Variants in EFCAB5 observed in about 807,000 individuals in gnomAD.
The protein encoded by EFCAB5 is EF-hand calcium binding domain 5.
A neutral mutation model predicts 167.9 loss-of-function variants in EFCAB5; 131 were observed. The ratio of observed to expected loss-of-function variants is 0.78; its 90% CI spans 0.68 to 0.90. The LOEUF is 0.90. EFCAB5 is among the 40% of genes least tolerant of loss of function. The probability of loss-of-function intolerance (pLI) is 0.00; values close to 1 mark genes in which losing one functional copy is unlikely to be tolerated. For synonymous variants in EFCAB5, 574 were observed against 602.8 expected, an observed-to-expected ratio of 0.95 and a Z score of 0.70; for missense variants, 1,663 against 1,745.2, an observed-to-expected ratio of 0.95 and a Z score of 0.84.
intron 3 of EFCAB5, among the ~76,000 whole-genome samples, chr17:29,948,337 C>A (rs1375247614): frequency 6.6e-6 from 1 of 152,078 alleles, no homozygotes; most frequent in African/African-American, 2.4e-5. Context: ...CTTTCAATTT[C>A]TCTTATTGCT....
rs1181743513 is a variant in EFCAB5 at position 30,083,065 on chromosome 17, T to C, written c.3579+22T>C. On this transcript the variant is annotated intron_variant, in intron 18 of 22. Coordinates refer to ENST00000394835, the MANE Select transcript of EFCAB5 (RefSeq NM_198529.4). ...CCAGGTAGGCAAGGCTCAGTAGTGG[T>C]AGATCTCTCCAAGGTAGCCGAGTGT... 4 of 1,610,428 alleles carry C rather than the reference T, an allele frequency of 2.5e-6. No homozygotes were observed. The African/African-American group carries it at 4.0e-5, about 16-fold the overall frequency.
intron 7 of EFCAB5, among the ~76,000 whole-genome samples, chr17:30,003,688 TTTTAA>T (rs1281876051): frequency 1.3e-5 from 2 of 152,146 alleles, no homozygotes; most frequent in African/African-American, 4.8e-5. Flanking sequence ...ACTTTTAAGT[TTTTAA>T]TTTATTTTAA....
At chr17:30,045,734 G>C (rs989849085) in intron 8 of EFCAB5, among the ~76,000 whole-genome samples, 6 of 151,828 alleles carry the variant, frequency 4.0e-5, no homozygotes, top group Non-Finnish European at 1.5e-5. Flanking sequence ...GTATCGTGGT[G>C]CATGCCTGTA....
chr17:30,094,208 A>AC (rs1275599471), intron 22 of EFCAB5, among the ~76,000 whole-genome samples: 1 of 151,712 alleles, frequency 6.6e-6, no homozygotes, highest in African/African-American at 2.4e-5. Flanking sequence ...GCCAACTCTC[A>AC]CCCCCACTTC....
intron 7 of EFCAB5, among the ~76,000 whole-genome samples, chr17:30,026,961 C>CTTTTTTTT (rs71138868): frequency 3.1e-5 from 2 of 64,550 alleles, no homozygotes; most frequent in Admixed American, 2.3e-4. Flanking sequence ...CTCCTTGTAC[C>CTTTTTTTT]TTTTTTTTTT....
upstream of EFCAB5, among the ~76,000 whole-genome samples, chr17:29,940,150 G>C (rs150991174): frequency 1.3e-5 from 2 of 150,588 alleles, no homozygotes; most frequent in African/African-American, 4.9e-5. Flanking sequence ...ATCTTGGCTC[G>C]CTGCAACCTC....
At chr17:30,072,989 GT>G (rs1371279615) in intron 14 of EFCAB5, 2 of 504,054 alleles carry the variant, frequency 4.0e-6, no homozygotes, top group Non-Finnish European at 7.1e-6. Flanking sequence ...TATTGTCCCA[GT>G]TTTAGACAAT....
intron 7 of EFCAB5, among the ~76,000 whole-genome samples, chr17:30,013,056 A>G (rs933330108): frequency 2.6e-5 from 4 of 152,214 alleles, no homozygotes; most frequent in Non-Finnish European, 4.4e-5. Flanking sequence ...ATCTATTGAC[A>G]TAATCATGTG....
At chr17:29,934,716 C>T (rs1213931790) in intron 1 of EFCAB5, among the ~76,000 whole-genome samples, 4 of 152,130 alleles carry the variant, frequency 2.6e-5, no homozygotes, top group Non-Finnish European at 2.9e-5. Context: ...GTAGAATACT[C>T]CTTGGCTTTG....
chr17:29,968,441 G>A (rs1380514155), intron 3 of EFCAB5: 5 of 391,524 alleles, frequency 1.3e-5, no homozygotes, highest in East Asian at 1.5e-4. Context: ...AGCCTCAAGA[G>A]GAGAAAAACC....
At chr17:30,026,058 T>A (rs1035018811) in intron 7 of EFCAB5, among the ~76,000 whole-genome samples, 1 of 151,728 alleles carries the variant, frequency 6.6e-6, no homozygotes, top group African/African-American at 2.4e-5. Flanking sequence ...TTAGGAGATA[T>A]ACCTAATGCT....
intron 1 of EFCAB5, 121 bp from the exon 2 acceptor site, chr17:29,942,119 T>G: frequency 1.2e-6 from 1 of 829,956 alleles, no homozygotes; most frequent in Non-Finnish European, 1.8e-6. Flanking sequence ...TTATTTCACA[T>G]GATATTTACT....
At position 29,996,301 on chromosome 17, in the gene EFCAB5, T is replaced by C; in HGVS notation, c.925-11T>C. Reference sequence around the variant, plus strand: ...ATGGTTTCTTTCTTTTTTTCCTCTTTTGAGTTGCAGATTCAGAATGTTCTT... The same window carrying C: ...ATGGTTTCTTTCTTTTTTTCCTCTTCTGAGTTGCAGATTCAGAATGTTCTT... On this transcript the variant is annotated splice_polypyrimidine_tract_variant and intron_variant, in intron 5 of 22. Transcript: ENST00000394835. 6.5e-7 allele frequency: 1 copy of C among 1,547,906 alleles called. No homozygotes were observed. The highest frequency in any genetic ancestry group is 8.7e-7 in the Non-Finnish European group (1 of 1,145,730).
chr17:30,022,824 A>G (rs960859556), intron 7 of EFCAB5, among the ~76,000 whole-genome samples: 1 of 152,162 alleles, frequency 6.6e-6, no homozygotes, highest in African/African-American at 2.4e-5. Context: ...AATTATAACA[A>G]ACTATCTCTC....
At chr17:30,103,127 C>T (rs530374381) in intron 22 of EFCAB5, among the ~76,000 whole-genome samples, 159 of 151,760 alleles carry the variant, frequency 1.0e-3, no homozygotes, top group Non-Finnish European at 1.9e-3. Context: ...CCACTGCATC[C>T]GGCCAAAGGA....
At chr17:29,947,006 T>C (rs1235189137) in intron 3 of EFCAB5, among the ~76,000 whole-genome samples, 3 of 151,946 alleles carry the variant, frequency 2.0e-5, no homozygotes, top group Non-Finnish European at 4.4e-5. Context: ...AAACCCCGTC[T>C]GTACTAAAAA....
intron 8 of EFCAB5, among the ~76,000 whole-genome samples, chr17:30,039,311 T>C (rs1288702336): frequency 6.6e-6 from 1 of 152,226 alleles, no homozygotes; most frequent in Non-Finnish European, 1.5e-5. Context: ...CCATTGTTCC[T>C]GGATCAAGCC....
chr17:29,951,116 C>T (rs1328972190), intron 3 of EFCAB5, among the ~76,000 whole-genome samples: 2 of 152,122 alleles, frequency 1.3e-5, no homozygotes, highest in Admixed American at 6.5e-5. Flanking sequence ...CTTTACTTTT[C>T]CCATATTGGA....
chr17:29,939,510 A>G (rs2067271934), upstream of EFCAB5, among the ~76,000 whole-genome samples: 1 of 152,262 alleles, frequency 6.6e-6, no homozygotes, highest in African/African-American at 2.4e-5. Flanking sequence ...ATCTTCTTCC[A>G]ATAGAAGGCT....
Sources: allele counts gnomAD v4.1 joint callset (sites outside exome capture counted in the v4.1 genomes callset), GRCh38; gene constraint gnomAD v4.1.1; transcripts MANE v1.5; gene names NCBI Gene and HGNC (gene_info 2026-07-23, HGNC 2026-07-21).